The following C8orf34 variants were observed in gnomAD, a reference collection of about 807,000 sequenced individuals.
C8orf34 encodes uncharacterized protein C8orf34.
In C8orf34, 65 loss-of-function variants were observed where a neutral mutation model predicts 68.3. That is an observed-to-expected ratio of 0.95 (90% confidence interval 0.78 to 1.17). The LOEUF is 1.17. C8orf34 is among the 50% of genes most tolerant of loss of function. The pLI is 0.00. For missense variants in C8orf34, 664 were observed against 655.4 expected, an observed-to-expected ratio of 1.01 and a Z score of -0.14; for synonymous variants, 244 against 241.2, an observed-to-expected ratio of 1.01 and a Z score of -0.11.
chr8:68,468,597 CA>C, intron 3 of C8orf34, 94 bp from the exon 4 acceptor site: 1 of 1,230,700 alleles, frequency 8.1e-7, no homozygotes, highest in Non-Finnish European at 1.1e-6. Flanking sequence ...TTATTCTATA[CA>C]TTGATCTTGG....
intron 7 of C8orf34, among the ~76,000 whole-genome samples, chr8:68,539,861 A>G (rs910180837): frequency 5.3e-5 from 8 of 152,154 alleles, no homozygotes; most frequent in African/African-American, 1.9e-4. Flanking sequence ...CTAAAAAAAA[A>G]AAAAATTATT....
intron 8 of C8orf34, among the ~76,000 whole-genome samples, chr8:68,661,866 A>G (rs373511396): frequency 2.6e-5 from 4 of 152,232 alleles, no homozygotes; most frequent in Admixed American, 6.5e-5. Flanking sequence ...AGGGCTCAGG[A>G]CATACCACCC....
chr8:68,617,619 C>A (rs1473429415), intron 7 of C8orf34, among the ~76,000 whole-genome samples: 1 of 152,212 alleles, frequency 6.6e-6, no homozygotes. Flanking sequence ...GGCCCTCACT[C>A]TGTTCTGGCT....
chr8:68,797,976 AAG>A (rs72038826), intron 12 of C8orf34, among the ~76,000 whole-genome samples: 5,815 of 152,238 alleles, frequency 0.038, 301 homozygotes, highest in African/African-American at 0.11. Flanking sequence ...GGAAACAACT[AAG>A]AATAAAACAA....
At chr8:68,531,140 T>G (rs553367412) in intron 6 of C8orf34, among the ~76,000 whole-genome samples, 1 of 152,224 alleles carries the variant, frequency 6.6e-6, no homozygotes, top group South Asian at 2.1e-4. Context: ...TCAGCGTGTA[T>G]TTCTTAGGAA....
At chr8:68,510,375 A>G (rs1389448138) in intron 5 of C8orf34, among the ~76,000 whole-genome samples, 1 of 152,096 alleles carries the variant, frequency 6.6e-6, no homozygotes, top group African/African-American at 2.4e-5. Context: ...AGGGATAGGC[A>G]TCCTATTTAT....
At chr8:68,510,337 G>C (rs1814210998) in intron 5 of C8orf34, among the ~76,000 whole-genome samples, 1 of 152,130 alleles carries the variant, frequency 6.6e-6, no homozygotes, top group Non-Finnish European at 1.5e-5. Flanking sequence ...AGCTCCCTTG[G>C]TCTTACTTTC....
At chr8:68,764,436 A>G (rs1344082974) in intron 10 of C8orf34, among the ~76,000 whole-genome samples, 2 of 152,136 alleles carry the variant, frequency 1.3e-5, no homozygotes, top group Admixed American at 6.5e-5. Context: ...GAGCACTTCT[A>G]CCAGTGCAGT....
At chr8:68,731,198 T>A (rs973204044) in intron 10 of C8orf34, among the ~76,000 whole-genome samples, 1 of 152,134 alleles carries the variant, frequency 6.6e-6, no homozygotes. Flanking sequence ...GAAAACTACA[T>A]AGATTACATA....
In C8orf34 at chr8:68,675,398, CA is replaced by C. The variant is rs1820153229; in HGVS notation, c.1242-33594del. Among the ~76,000 whole-genome samples, 4 of 151,854 alleles carry C rather than the reference CA, an allele frequency of 2.6e-5. No individual in the cohort carries two copies. The South Asian group carries it at 8.3e-4, about 32-fold the overall frequency. On this transcript the variant is annotated intron_variant, in intron 8 of 13. Transcript: ENST00000518698. ...CAGTATAAAAAGATATAAATAGAAA[CA>C]AGAAAAAGTTAAAAAGTGGAGAGAC...
At chr8:68,398,936 A>T (rs150996349) in intron 1 of C8orf34, among the ~76,000 whole-genome samples, 15 of 152,132 alleles carry the variant, frequency 9.9e-5, no homozygotes, top group African/African-American at 3.6e-4. Context: ...TCGGGCCACT[A>T]TTCTCAGAGG....
intron 9 of C8orf34, among the ~76,000 whole-genome samples, chr8:68,709,828 G>T (rs910796897): frequency 6.6e-6 from 1 of 152,104 alleles, no homozygotes; most frequent in African/African-American, 2.4e-5. Context: ...AATGTTTGTT[G>T]TATATGTAAA....
chr8:68,666,436 G>T (rs1819843096), intron 8 of C8orf34, among the ~76,000 whole-genome samples: 1 of 152,198 alleles, frequency 6.6e-6, no homozygotes, highest in African/African-American at 2.4e-5. Flanking sequence ...GTTTAAAGGA[G>T]AATGAAAGGA....
In C8orf34 at chr8:68,737,934, C is replaced by T. The variant is rs180732038; in HGVS notation, c.1404+16497C>T. On this transcript the variant is annotated intron_variant, in intron 10 of 13. Coordinates refer to ENST00000518698, the MANE Select transcript of C8orf34 (RefSeq NM_052958.4). ...CACTGGATCAAATGGACCTGAGAGA[C>T]GCTTACAATACTCTCCATCCCAAAA... Among the ~76,000 whole-genome samples the T allele has an allele frequency of 6.6e-4, 101 of 152,192 alleles. 1 individual carries two copies. The highest frequency in any genetic ancestry group is 3.9e-3 in the South Asian group (19 of 4,826).
chr8:68,367,754 T>C (rs1162747928), intron 1 of C8orf34, among the ~76,000 whole-genome samples: 2 of 76,310 alleles, frequency 2.6e-5, no homozygotes, highest in Non-Finnish European at 5.1e-5. Context: ...TGTGGTGGGG[T>C]GGGGGGAGGG....
At chr8:68,613,453 C>A (rs1818089500) in intron 7 of C8orf34, among the ~76,000 whole-genome samples, 1 of 141,718 alleles carries the variant, frequency 7.1e-6, no homozygotes, top group Non-Finnish European at 1.5e-5. Context: ...TCCCCCCACA[C>A]AACAGTCCCC....
chr8:68,667,518 A>AT (rs1819877277), intron 8 of C8orf34, among the ~76,000 whole-genome samples: 1 of 152,136 alleles, frequency 6.6e-6, no homozygotes, highest in South Asian at 2.1e-4. Flanking sequence ...TTCAATCAAT[A>AT]TTTTTTGAAT....
chr8:68,682,271 A>G (rs940884045), intron 8 of C8orf34, among the ~76,000 whole-genome samples: 2 of 152,136 alleles, frequency 1.3e-5, no homozygotes, highest in Admixed American at 6.6e-5. Flanking sequence ...TACTCCATTT[A>G]CCTGATGTAA....
At chr8:68,423,943 G>A (rs1269642132) in intron 1 of C8orf34, among the ~76,000 whole-genome samples, 4 of 152,076 alleles carry the variant, frequency 2.6e-5, no homozygotes, top group African/African-American at 7.2e-5. Flanking sequence ...AAGAATAGCA[G>A]GGAGGAAACT....
Sources: allele counts gnomAD v4.1 joint callset (sites outside exome capture counted in the v4.1 genomes callset), GRCh38; gene constraint gnomAD v4.1.1; transcripts MANE v1.5; gene names NCBI Gene and HGNC (gene_info 2026-07-23, HGNC 2026-07-21).